ZNRF3: variants seen among roughly 807,000 people sequenced by gnomAD.
ZNRF3 encodes zinc and ring finger 3.
Under a neutral mutation model 72.5 loss-of-function variants are expected in ZNRF3, and 23 were observed. That is an observed-to-expected ratio of 0.32 (90% CI 0.23 to 0.45). ZNRF3 has a LOEUF of 0.45. Among genes scored for constraint, ZNRF3 ranks in the 20% least tolerant of loss-of-function variants. The pLI is 1.00. For missense variants in ZNRF3, 1,169 were observed against 1,272.1 expected (o/e 0.92, Z 1.23); for synonymous variants, 610 against 545.3 (o/e 1.12, Z -1.65).
intron 8 of ZNRF3, among the ~76,000 whole-genome samples, chr22:29,052,389 T>G (rs2037221975): frequency 6.6e-6 from 1 of 152,180 alleles, no homozygotes; most frequent in African/African-American, 2.4e-5. Flanking sequence ...GACTTGCCAT[T>G]ACCTTTAAAA....
At chr22:29,010,788 A>G (rs376920205) in intron 2 of ZNRF3, among the ~76,000 whole-genome samples, 4 of 152,118 alleles carry the variant, frequency 2.6e-5, no homozygotes, top group East Asian at 1.9e-4. Context: ...TTGTGCTTCA[A>G]CCTCCCAAGT....
intron 1 of ZNRF3, among the ~76,000 whole-genome samples, chr22:28,952,043 G>T (rs188607169): frequency 6.6e-6 from 1 of 152,178 alleles, no homozygotes; most frequent in Non-Finnish European, 1.5e-5. Context: ...TCTTTTCTCC[G>T]AGTGCATTCT....
intron 1 of ZNRF3, among the ~76,000 whole-genome samples, chr22:28,929,504 G>A (rs954498308): frequency 2.6e-5 from 4 of 152,174 alleles, no homozygotes; most frequent in African/African-American, 7.2e-5. Flanking sequence ...GCAGGGAGGG[G>A]CAAAGTTGAC....
chr22:29,005,069 C>G (rs2036217820), intron 2 of ZNRF3, among the ~76,000 whole-genome samples: 1 of 152,192 alleles, frequency 6.6e-6, no homozygotes, highest in Non-Finnish European at 1.5e-5. Flanking sequence ...GGCTGCTCTC[C>G]CTGGTTCTCA....
chr22:28,912,065 TC>T (rs1363779151), intron 1 of ZNRF3, among the ~76,000 whole-genome samples: 1 of 152,200 alleles, frequency 6.6e-6, no homozygotes, highest in East Asian at 1.9e-4. Flanking sequence ...CTAGCCCTCT[TC>T]AAAGTTGTAA....
At chr22:28,938,205 A>G (rs988078511) in intron 1 of ZNRF3, among the ~76,000 whole-genome samples, 1 of 151,716 alleles carries the variant, frequency 6.6e-6, no homozygotes, top group Non-Finnish European at 1.5e-5. Flanking sequence ...ACACACACCC[A>G]TCCATCTTAT....
chr22:29,018,471 G>A (rs961645524), intron 2 of ZNRF3: 2 of 161,272 alleles, frequency 1.2e-5, no homozygotes, highest in African/African-American at 2.4e-5. Flanking sequence ...CTTTGAACTG[G>A]AGCCCTTTGA....
intron 1 of ZNRF3, among the ~76,000 whole-genome samples, chr22:28,908,863 A>G (rs976417637): frequency 6.6e-6 from 1 of 152,078 alleles, no homozygotes; most frequent in African/African-American, 2.4e-5. Flanking sequence ...TGGTCCCCAG[A>G]TGAGGGCCTG....
At chr22:28,920,889 C>T (rs748134431) in intron 1 of ZNRF3, among the ~76,000 whole-genome samples, 2 of 152,200 alleles carry the variant, frequency 1.3e-5, no homozygotes, top group Admixed American at 6.5e-5. Flanking sequence ...GCTTGACCCT[C>T]CTTAGCTCAT....
intron 1 of ZNRF3, among the ~76,000 whole-genome samples, chr22:28,978,960 T>C (rs1190568674): frequency 1.3e-5 from 2 of 152,178 alleles, no homozygotes; most frequent in Non-Finnish European, 2.9e-5. Flanking sequence ...AGTTTTTGTT[T>C]TTTTTCTGGA....
intron 1 of ZNRF3, among the ~76,000 whole-genome samples, chr22:28,948,582 G>T (rs186662695): frequency 2.0e-5 from 3 of 152,182 alleles, no homozygotes; most frequent in Non-Finnish European, 4.4e-5. Context: ...ATCCACTTCC[G>T]TACCTAGTCT....
chr22:29,008,731 A>G (rs1017803167), intron 2 of ZNRF3, among the ~76,000 whole-genome samples: 1 of 152,214 alleles, frequency 6.6e-6, no homozygotes, highest in African/African-American at 2.4e-5. Context: ...TTCACTGGTA[A>G]GACCAACAAC....
intron 1 of ZNRF3, among the ~76,000 whole-genome samples, chr22:28,895,215 A>G (rs1341685764): frequency 6.6e-6 from 1 of 152,226 alleles, no homozygotes; most frequent in African/African-American, 2.4e-5. Context: ...AGGAAGGCCC[A>G]GCTACCCTTG....
intron 2 of ZNRF3, among the ~76,000 whole-genome samples, chr22:29,011,691 G>A (rs1265749866): frequency 6.6e-6 from 1 of 152,234 alleles, no homozygotes; most frequent in East Asian, 1.9e-4. Context: ...ACCAGAAACT[G>A]TTGGCTCAAA....
chr22:28,925,265 T>TGACTAAAG (rs2034580729), intron 1 of ZNRF3, among the ~76,000 whole-genome samples: 2 of 152,220 alleles, frequency 1.3e-5, no homozygotes, highest in Non-Finnish European at 2.9e-5. Flanking sequence ...TAAGTCATAG[T>TGACTAAAG]GACTAAAGTC....
intron 1 of ZNRF3, among the ~76,000 whole-genome samples, chr22:28,897,045 G>A (rs565013839): frequency 1.1e-4 from 17 of 152,270 alleles, no homozygotes; most frequent in Admixed American, 1.0e-3. Flanking sequence ...CTGGGACTAT[G>A]CAGGCATGTG....
chr22:29,048,328 C>A lies in ZNRF3; in HGVS notation c.913-61C>A. On this transcript the variant is annotated intron_variant, in intron 6 of 8. Transcript: ENST00000544604. The surrounding 1 kb of genome is among the most constrained non-coding windows in gnomAD (Gnocchi z 4.9). ...AGAACTCCTTGGTCTATGCTGGACT[C>A]TGCAGGAGGACACACCTGCGAGGCT... The A allele has an allele frequency of 6.9e-7, 1 of 1,440,446 alleles. No homozygotes were observed. The highest frequency in any genetic ancestry group is 9.7e-7 in the Non-Finnish European group (1 of 1,027,200). The allele number at this position is 1,440,446 out of a possible 1,614,324, so 89.2% of individuals were successfully genotyped here. A position where few individuals can be genotyped will look rare whatever the true frequency, so the allele number is the denominator to read the frequency against.
chr22:28,983,021 G>A, intron 1 of ZNRF3, among the ~76,000 whole-genome samples: 1 of 152,196 alleles, frequency 6.6e-6, no homozygotes, highest in East Asian at 1.9e-4. Context: ...GGAATGGATG[G>A]TGAGGTAAGT....
At chr22:29,040,174 C>T (rs996551721) in intron 2 of ZNRF3, among the ~76,000 whole-genome samples, 3 of 151,698 alleles carry the variant, frequency 2.0e-5, no homozygotes, top group Non-Finnish European at 2.9e-5. Flanking sequence ...GGCCTCCCTG[C>T]ACCCCCTCCC....
Sources: gnomAD v4.1 joint callset for allele counts (sites outside exome capture counted in the v4.1 genomes callset) on GRCh38, gnomAD v4.1.1 for gene constraint, Gnocchi (gnomAD v3.1) non-coding constraint, MANE v1.5 for transcripts, NCBI Gene and HGNC (gene_info 2026-07-23, HGNC 2026-07-21) for gene names.